The following ADCY1 variants were observed in gnomAD, a reference collection of about 807,000 sequenced individuals.
ADCY1 encodes the protein adenylate cyclase type 1.
Under a neutral mutation model 105.4 loss-of-function variants are expected in ADCY1, and 28 were observed. The observed-to-expected ratio is 0.27, with a 90% CI of 0.20 to 0.36. The LOEUF (loss-of-function observed/expected upper bound fraction) is 0.36. Ranked by LOEUF, ADCY1 falls within the 10% of genes least tolerant of loss-of-function variation. The pLI is 1.00. For synonymous variants in ADCY1, 655 were observed against 623.8 expected (o/e 1.05, Z -0.75); for missense variants, 977 against 1,434.2 (o/e 0.68, Z 5.15).
chr7:45,712,815 T>A (rs1366064029), intron 19 of ADCY1, among the ~76,000 whole-genome samples: 2 of 152,202 alleles, frequency 1.3e-5, no homozygotes, highest in Non-Finnish European at 2.9e-5. Context: ...CTCATTGCAT[T>A]TAGTAGAAAC....
intron 8 of ADCY1, among the ~76,000 whole-genome samples, chr7:45,676,369 T>C (rs1465117077): frequency 6.6e-6 from 1 of 152,212 alleles, no homozygotes; most frequent in African/African-American, 2.4e-5. Flanking sequence ...TTAGTATCTG[T>C]TGATTATCTT....
At position 45,647,169 on chromosome 7, in the gene ADCY1, G is replaced by A. The variant is rs139998129; in HGVS notation, c.1021-1501G>A. On this transcript the variant is annotated intron_variant, in intron 4 of 19. Coordinates refer to ENST00000297323, the MANE Select transcript of ADCY1 (RefSeq NM_021116.4). The surrounding 1 kb of genome is among the most constrained non-coding windows in gnomAD (Gnocchi z 4.6). Reference sequence around the variant, plus strand: ...TGAGGGCAGCTCAGGACAACAGCAGGGTCATCAGCTGTCTGCTCAGCTCTG... The same window carrying A: ...TGAGGGCAGCTCAGGACAACAGCAGAGTCATCAGCTGTCTGCTCAGCTCTG... Among the ~76,000 whole-genome samples the A allele has an allele frequency of 1.8e-4, 28 of 152,346 alleles. No individual in the cohort carries two copies. Among genetic ancestry groups the A allele is most frequent in the African/African-American group, 6.0e-4 (25 of 41,576 alleles).
intron 17 of ADCY1, among the ~76,000 whole-genome samples, chr7:45,706,383 G>C (rs368671585): frequency 6.1e-5 from 9 of 148,270 alleles, no homozygotes; most frequent in Non-Finnish European, 1.0e-4. Flanking sequence ...CCCAGAAATA[G>C]ACCCATAGAC....
chr7:45,706,373 C>A (rs1785116962), intron 17 of ADCY1, among the ~76,000 whole-genome samples: 1 of 151,526 alleles, frequency 6.6e-6, no homozygotes, highest in South Asian at 2.1e-4. Context: ...GACTAGGGAG[C>A]CCAGAAATAG....
intron 17 of ADCY1, among the ~76,000 whole-genome samples, chr7:45,707,295 A>T (rs1319995871): frequency 6.6e-6 from 1 of 152,234 alleles, no homozygotes; most frequent in Non-Finnish European, 1.5e-5. Context: ...GGTATCCTTC[A>T]GTAGGTGAAT....
intron 3 of ADCY1, among the ~76,000 whole-genome samples, chr7:45,615,180 C>T (rs1793704635): frequency 6.6e-6 from 1 of 152,066 alleles, no homozygotes; most frequent in Non-Finnish European, 1.5e-5. Context: ...CTTTTCTGAT[C>T]ACAGAGGGAT....
intron 4 of ADCY1, among the ~76,000 whole-genome samples, chr7:45,629,560 G>A (rs573353834): frequency 4.0e-5 from 6 of 149,256 alleles, no homozygotes; most frequent in Admixed American, 2.0e-4. Flanking sequence ...CGCCCAGGCC[G>A]GACTGCGGAC....
At position 45,708,423 on chromosome 7, in the gene ADCY1, A is replaced by G; in HGVS notation, c.2891A>G (p.Glu964Gly). The change falls in exon 18 of 20, where the codon GAA becomes GGA. Residue 964 changes from glutamate to glycine, a missense_variant. Glu to Gly is a moderately conservative substitution (Grantham distance 98). Coordinates refer to ENST00000297323, the MANE Select transcript of ADCY1 (RefSeq NM_021116.4). This position sits in a 1 kb window ranked among gnomAD's most constrained non-coding sequence, Gnocchi z 4.7. ...ATTGAGATGTTTGACGTTCTGGATG[A>G]AATCAACTACCAGTCTTACAACGAC... ...FAIEMFDVLDEINYQSYNDFV... is the reference protein window; with the variant it reads ...FAIEMFDVLDGINYQSYNDFV... 6.2e-7 allele frequency: 1 copy of G among 1,614,200 alleles called. No individual in the cohort carries two copies. Among genetic ancestry groups the G allele is most frequent in the Non-Finnish European group, 8.5e-7 (1 of 1,180,026 alleles).
intron 8 of ADCY1, among the ~76,000 whole-genome samples, chr7:45,676,670 T>C: frequency 6.6e-6 from 1 of 152,088 alleles, no homozygotes; most frequent in East Asian, 1.9e-4. Flanking sequence ...ACAATGCAAG[T>C]GGGAGCTCAT....
intron 1 of ADCY1, 92 bp from the exon 2 acceptor site, chr7:45,592,667 G>A: frequency 6.4e-7 from 1 of 1,561,256 alleles, no homozygotes; most frequent in Non-Finnish European, 8.7e-7. Flanking sequence ...GTGGCTTTTG[G>A]AGAGCTCTTG....
intron 12 of ADCY1, 147 bp from the exon 13 acceptor site, chr7:45,685,815 G>A (rs1405183473): frequency 2.0e-6 from 2 of 1,015,348 alleles, no homozygotes; most frequent in African/African-American, 3.2e-5. Flanking sequence ...GAGTTGCCAT[G>A]AGGTCTGTGG....
At chr7:45,712,499 C>T (rs1785279926) in intron 19 of ADCY1, among the ~76,000 whole-genome samples, 1 of 152,144 alleles carries the variant, frequency 6.6e-6, no homozygotes, top group Admixed American at 6.5e-5. Flanking sequence ...GTCCAATCCC[C>T]AGCCAGGTGT....
chr7:45,661,638 G>A (rs990196529), intron 7 of ADCY1, among the ~76,000 whole-genome samples: 20 of 152,040 alleles, frequency 1.3e-4, no homozygotes, highest in Admixed American at 6.5e-4. Flanking sequence ...GCCTCAGCTG[G>A]GTGCACTGCC....
rs1485986528 is a variant in ADCY1, at chr7:45,686,530, T to G, written c.2328-17T>G. 6.2e-7 allele frequency: 1 copy of G among 1,602,652 alleles called. No individual in the cohort carries two copies. The highest frequency in any genetic ancestry group is 2.2e-5 in the East Asian group (1 of 44,712). ...AGCTCGGCACTGACTTGGCTTTTCT[T>G]CCTCATCTTCCCCCAGGGGTGGTGC... On this transcript the variant is annotated splice_polypyrimidine_tract_variant and intron_variant, in intron 13 of 19. Transcript: ENST00000297323. This position sits in a 1 kb window ranked among gnomAD's most constrained non-coding sequence, Gnocchi z 4.3.
chr7:45,678,139 T>A, intron 9 of ADCY1, 27 bp from the exon 10 acceptor site: 1 of 1,614,018 alleles, frequency 6.2e-7, no homozygotes. Flanking sequence ...CCCTCAGCCC[T>A]GATGGATTGA....
At chr7:45,629,711 G>A (rs1485130756) in intron 4 of ADCY1, among the ~76,000 whole-genome samples, 1 of 151,876 alleles carries the variant, frequency 6.6e-6, no homozygotes, top group African/African-American at 2.4e-5. Context: ...AGTAGAGACG[G>A]GGTTTCACCT....
At chr7:45,586,715 C>T (rs953444443) in intron 1 of ADCY1, among the ~76,000 whole-genome samples, 3 of 152,220 alleles carry the variant, frequency 2.0e-5, no homozygotes, top group Admixed American at 6.5e-5. Flanking sequence ...GAGTGGTGTC[C>T]ACTGGGGGCT....
intron 14 of ADCY1, among the ~76,000 whole-genome samples, chr7:45,694,194 C>T: frequency 6.7e-6 from 1 of 149,438 alleles, no homozygotes; most frequent in East Asian, 2.0e-4. Flanking sequence ...CCAACAGCAA[C>T]AGAATACGCA....
chr7:45,639,676 G>A (rs1023625793), intron 4 of ADCY1, among the ~76,000 whole-genome samples: 1 of 152,216 alleles, frequency 6.6e-6, no homozygotes, highest in African/African-American at 2.4e-5. Context: ...TCACATTGTT[G>A]TAAGTTCTCA....
Sources: gnomAD v4.1 joint callset for allele counts (sites outside exome capture counted in the v4.1 genomes callset) on GRCh38, gnomAD v4.1.1 for gene constraint, Gnocchi (gnomAD v3.1) non-coding constraint, MANE v1.5 for transcripts, NCBI Gene and HGNC (gene_info 2026-07-23, HGNC 2026-07-21) for gene names.